The following TARBP1 variants were observed in gnomAD, a reference collection of about 807,000 sequenced individuals.
TARBP1 encodes the protein tRNA (guanosine(18)-2'-O)-methyltransferase TARBP1.
In TARBP1, 144 loss-of-function variants were observed where a neutral mutation model predicts 178.6. The observed-to-expected ratio is 0.81, with a 90% CI of 0.70 to 0.93. TARBP1 has a LOEUF of 0.93. TARBP1 is among the 40% of genes least tolerant of loss of function. TARBP1 has a pLI of 0.00. For missense variants in TARBP1, 2,067 were observed against 2,011.7 expected (o/e 1.03, Z -0.53); for synonymous variants, 787 against 781.0 (o/e 1.01, Z -0.13).
intron 3 of TARBP1, among the ~76,000 whole-genome samples, chr1:234,469,985 G>C: frequency 6.6e-6 from 1 of 152,196 alleles, no homozygotes; most frequent in Non-Finnish European, 1.5e-5. Context: ...AGTGATTATT[G>C]GCCAGGCACG....
intron 24 of TARBP1, chr1:234,405,597 AAAC>A (rs1661145954): frequency 1.0e-5 from 3 of 293,362 alleles, no homozygotes; most frequent in Non-Finnish European, 6.4e-6. Context: ...AGCAGTTCTC[AAAC>A]AACAAAGGAT....
At chr1:234,423,641 C>T (rs952847762) in intron 20 of TARBP1, among the ~76,000 whole-genome samples, 1 of 152,220 alleles carries the variant, frequency 6.6e-6, no homozygotes, top group African/African-American at 2.4e-5. Context: ...CCTTTCCTCG[C>T]TTGGTCTCCA....
At chr1:234,478,089 T>C in intron 1 of TARBP1, 84 bp downstream of exon 1, 1 of 1,358,140 alleles carries the variant, frequency 7.4e-7, no homozygotes, top group Non-Finnish European at 1.0e-6. Flanking sequence ...ACGACCCCGA[T>C]AAGCTAGTTT....
At chr1:234,392,304 C>T (rs1042710476) in intron 29 of TARBP1, 112 bp downstream of exon 29, 49 of 1,385,044 alleles carry the variant, frequency 3.5e-5, no homozygotes, top group Non-Finnish European at 4.7e-5. Flanking sequence ...CCACTACACT[C>T]CAGCCTGGGC....
At chr1:234,410,560 T>C in intron 22 of TARBP1, 29 bp from the exon 23 acceptor site, 2 of 1,362,958 alleles carry the variant, frequency 1.5e-6, no homozygotes, top group Non-Finnish European at 2.1e-6. Flanking sequence ...AAACAAATAT[T>C]GATTCAAAGC....
chr1:234,450,560 C>A lies in TARBP1; in HGVS notation c.1729G>T (p.Asp577Tyr). Residue 577 changes from aspartate to tyrosine, a missense_variant, in exon 10 of 30, where the codon GAC (aspartate) becomes TAC (tyrosine). Transcript: ENST00000040877. ...TAGCTTTCATTAACACGTAGCCAGTCACACAGCTGGAAAAGAAAACAGTTA... is the reference window on the plus strand; with the variant it reads ...TAGCTTTCATTAACACGTAGCCAGTAACACAGCTGGAAAAGAAAACAGTTA... Reference protein sequence around the residue: ...RGTSLWTELCDWLRVNESYFK... With the variant: ...RGTSLWTELCYWLRVNESYFK... 2 of 1,606,174 alleles carry A rather than the reference C, an allele frequency of 1.2e-6. No individual in the cohort carries two copies. Among genetic ancestry groups the A allele is most frequent in the South Asian group, 1.1e-5 (1 of 88,826 alleles).
intron 4 of TARBP1, 42 bp from the exon 5 acceptor site, chr1:234,465,750 T>A (rs761049427): frequency 1.5e-5 from 23 of 1,515,476 alleles, no homozygotes; most frequent in Non-Finnish European, 1.9e-5. Flanking sequence ...TGAAACTTAG[T>A]TGTAAATACA....
At chr1:234,394,118 T>C (rs923428115) in intron 26 of TARBP1, among the ~76,000 whole-genome samples, 2 of 152,196 alleles carry the variant, frequency 1.3e-5, no homozygotes, top group Admixed American at 1.3e-4. Flanking sequence ...TTAGCATATC[T>C]GAAATTGAGA....
intron 29 of TARBP1, 136 bp downstream of exon 29, chr1:234,392,280 G>T: frequency 9.0e-7 from 1 of 1,107,976 alleles, no homozygotes; most frequent in Non-Finnish European, 1.3e-6. Flanking sequence ...AGGTTGTAGT[G>T]AGCCGAGATT....
At position 234,418,117 on chromosome 1, in the gene TARBP1, T is replaced by G; in HGVS notation, c.3672A>C (p.Gln1224His). 6.9e-7 allele frequency: 1 copy of G among 1,452,090 alleles called. No homozygotes were observed. 90.0% of individuals were successfully genotyped at this position (1,452,090 alleles called of 1,614,324 possible). A position where few individuals can be genotyped will look rare whatever the true frequency, so the allele number is the denominator to read the frequency against. ...IIILILHKFP[Q>H]FLPKFWDCFS... ...AACAATCCCAGAACTTTGGAAGAAA[T>G]TGAGGGAATTTATGAAGAATCAATA... Residue 1224 changes from glutamine to histidine, a missense_variant, in exon 22 of 30, where the codon CAA (glutamine) becomes CAC (histidine). Transcript: ENST00000040877.
chr1:234,438,986 A>C (rs1665312927), intron 12 of TARBP1, among the ~76,000 whole-genome samples: 2 of 152,250 alleles, frequency 1.3e-5, no homozygotes, highest in South Asian at 4.1e-4. Flanking sequence ...AACTGATGAA[A>C]GATAAGATCT....
At chr1:234,429,821 C>A in intron 15 of TARBP1, 144 bp from the exon 16 acceptor site, 1 of 1,011,354 alleles carries the variant, frequency 9.9e-7, no homozygotes, top group Non-Finnish European at 1.4e-6. Context: ...GCCTATCTAC[C>A]AAAAACTAAG....
At chr1:234,441,208 C>G (rs1423611348) in intron 12 of TARBP1, among the ~76,000 whole-genome samples, 1 of 152,064 alleles carries the variant, frequency 6.6e-6, no homozygotes, top group Admixed American at 6.6e-5. Flanking sequence ...TAAGGAAATA[C>G]CATATTCATG....
chr1:234,451,766 A>AAAAAAAAAAAAAAAAAC, intron 9 of TARBP1, among the ~76,000 whole-genome samples: 1 of 17,176 alleles, frequency 5.8e-5, no homozygotes, highest in Middle Eastern at 0.083. Flanking sequence ...AAAAAAAAAA[A>AAAAAAAAAAAAAAAAAC]TGATGAATGA....
intron 9 of TARBP1, among the ~76,000 whole-genome samples, chr1:234,456,583 T>C (rs1667310910): frequency 6.6e-6 from 1 of 152,200 alleles, no homozygotes; most frequent in South Asian, 2.1e-4. Flanking sequence ...TTACTACATC[T>C]TGAAAAATTA....
chr1:234,408,833 G>A (rs1572233098), intron 23 of TARBP1, among the ~76,000 whole-genome samples: 1 of 152,276 alleles, frequency 6.6e-6, no homozygotes, highest in East Asian at 1.9e-4. Flanking sequence ...CCAGTCTCCT[G>A]CACAAGCAGC....
rs1311674475 is a variant in TARBP1, at chr1:234,410,574, CT to C, written c.3706-44del. ...TAAACAAATATTGATTCAAAGCTTA[CT>C]GTGAAACATGCACGTGAAAGCGCCG... On this transcript the variant is annotated intron_variant, in intron 22 of 29. Coordinates refer to ENST00000040877, the MANE Select transcript of TARBP1 (RefSeq NM_005646.4). 8 of 1,274,868 alleles carry C rather than the reference CT, an allele frequency of 6.3e-6. No individual in the cohort carries two copies. The East Asian group carries it at 1.9e-4, about 31-fold the overall frequency. The allele number at this position is 1,274,868 out of a possible 1,614,324, so 79.0% of individuals were successfully genotyped here. A position where few individuals can be genotyped will look rare whatever the true frequency, so the allele number is the denominator to read the frequency against.
In TARBP1 at chr1:234,429,567, A is replaced by G. The variant is rs2103127431; in HGVS notation, c.2720T>C (p.Ile907Thr). 3 of 1,614,204 alleles carry G rather than the reference A, an allele frequency of 1.9e-6. No homozygotes were observed. In the South Asian group the frequency reaches 3.3e-5, roughly 18 times the overall value. The change falls in exon 16 of 30, where the codon ATA becomes ACA. Residue 907 changes from isoleucine to threonine, a missense_variant. By Grantham distance (89) the Ile-to-Thr change is moderately conservative. Coordinates refer to ENST00000040877, the MANE Select transcript of TARBP1 (RefSeq NM_005646.4). ...CAGAATTTCACTCCCTGTGGTTGGTATAAGGGTGTGATATTTTTTCAACAG... is the reference window on the plus strand; with the variant it reads ...CAGAATTTCACTCCCTGTGGTTGGTGTAAGGGTGTGATATTTTTTCAACAG... ...SFLLKKYHTL[I>T]PTTGSEILEP...
chr1:234,449,668 G>A (rs1195428042), intron 10 of TARBP1, among the ~76,000 whole-genome samples: 1 of 152,154 alleles, frequency 6.6e-6, no homozygotes, highest in Non-Finnish European at 1.5e-5. Flanking sequence ...CATGCATTTT[G>A]GAAGGATAAT....
Sources: allele counts gnomAD v4.1 joint callset (sites outside exome capture counted in the v4.1 genomes callset), GRCh38; gene constraint gnomAD v4.1.1; transcripts MANE v1.5; gene names NCBI Gene and HGNC (gene_info 2026-07-23, HGNC 2026-07-21).